The following SHISAL2B variants were observed in gnomAD, a reference collection of about 807,000 sequenced individuals.
SHISAL2B encodes protein shisa-like-2B.
Under a neutral mutation model 16.5 loss-of-function variants are expected in SHISAL2B, and 12 were observed. That is an observed-to-expected ratio of 0.73 (90% CI 0.47 to 1.18). The LOEUF (loss-of-function observed/expected upper bound fraction) is 1.18. SHISAL2B is among the 50% of genes most tolerant of loss of function. The pLI, the probability that SHISAL2B is intolerant of heterozygous loss-of-function variation, is 0.00. For synonymous variants in SHISAL2B, 72 were observed against 75.0 expected, an observed-to-expected ratio of 0.96 and a Z score of 0.21; for missense variants, 183 against 193.6, an observed-to-expected ratio of 0.95 and a Z score of 0.33.
chr5:64,691,317 CTT>C (rs901103895), intron 1 of SHISAL2B: 2 of 153,138 alleles, frequency 1.3e-5, no homozygotes, highest in African/African-American at 4.8e-5. Context: ...TTTTAAGACT[CTT>C]TGAGGGGTGT....
intron 2 of SHISAL2B, among the ~76,000 whole-genome samples, chr5:64,715,453 A>C (rs1010062890): frequency 6.6e-6 from 1 of 152,092 alleles, no homozygotes; most frequent in Non-Finnish European, 1.5e-5. Flanking sequence ...TTCTTCAAGC[A>C]AAGGAGGCTG....
intron 1 of SHISAL2B, among the ~76,000 whole-genome samples, chr5:64,691,062 C>A (rs1741641542): frequency 6.6e-6 from 1 of 152,212 alleles, no homozygotes; most frequent in African/African-American, 2.4e-5. Context: ...GCGGGCTTTG[C>A]GCCCAGGGCG....
intron 2 of SHISAL2B, among the ~76,000 whole-genome samples, chr5:64,708,861 A>AT (rs773628635): frequency 1.7e-4 from 26 of 152,130 alleles, no homozygotes; most frequent in Non-Finnish European, 2.9e-4. Flanking sequence ...TAAGTAACTT[A>AT]TTTTACTACC....
chr5:64,714,965 G>C (rs1371570884), intron 2 of SHISAL2B, among the ~76,000 whole-genome samples: 1 of 152,120 alleles, frequency 6.6e-6, no homozygotes, highest in South Asian at 2.1e-4. Flanking sequence ...AGATGAACCC[G>C]GTACCTCAGA....
At position 64,699,153 on chromosome 5, in the gene SHISAL2B, T is replaced by C. The variant is rs182838132; in HGVS notation, c.349+3489T>C. On this transcript the variant is annotated intron_variant, in intron 2 of 2. Coordinates refer to ENST00000389074, the MANE Select transcript of SHISAL2B (RefSeq NM_001164442.2). ...AAATATCCTCATTCTGCCCCTCTCA[T>C]AAATATATTTTGTCAAATTGACAAA... is the stretch of plus-strand genomic sequence containing the variant. Among the ~76,000 whole-genome samples, 5 of 152,322 alleles carry C rather than the reference T, an allele frequency of 3.3e-5. No individual in the cohort carries two copies. The East Asian group carries it at 9.6e-4, about 29-fold the overall frequency.
intron 2 of SHISAL2B, among the ~76,000 whole-genome samples, chr5:64,706,261 GAGTCCTTGATC>G: frequency 6.6e-6 from 1 of 152,206 alleles, no homozygotes; most frequent in East Asian, 1.9e-4. Context: ...GCATTCTTTT[GAGTCCTTGATC>G]AGCCTTCCAC....
chr5:64,715,217 TTTAG>T (rs1742028858), intron 2 of SHISAL2B, among the ~76,000 whole-genome samples: 1 of 151,962 alleles, frequency 6.6e-6, no homozygotes, highest in Non-Finnish European at 1.5e-5. Context: ...CAAAAAGCAG[TTTAG>T]TTATAGAAAG....
intron 1 of SHISAL2B, chr5:64,691,457 C>A: frequency 6.8e-6 from 1 of 146,516 alleles, no homozygotes. Flanking sequence ...TTTGGAGGAT[C>A]TGACCCCTAC....
chr5:64,709,387 A>T (rs1219456015), intron 2 of SHISAL2B, among the ~76,000 whole-genome samples: 1 of 150,512 alleles, frequency 6.6e-6, no homozygotes, highest in Non-Finnish European at 1.5e-5. Context: ...TTATGGCTGC[A>T]TAGTATTCCA....
At position 64,714,069 on chromosome 5, in the gene SHISAL2B, T is replaced by C. The variant is rs1380001306; in HGVS notation, c.350-3820T>C. ...AAAATCATTCTCCATCCAGCTTTGT[T>C]CCATTGCTGGTGAGGAACTGCGTTC... On this transcript the variant is annotated intron_variant, in intron 2 of 2. Transcript: ENST00000389074. Among the ~76,000 whole-genome samples the C allele has an allele frequency of 8.0e-5, 12 of 149,918 alleles. No individual in the cohort carries two copies. The East Asian group carries it at 2.4e-3, about 29-fold the overall frequency.
At chr5:64,696,040 C>T (rs996415589) in intron 2 of SHISAL2B, among the ~76,000 whole-genome samples, 9 of 152,080 alleles carry the variant, frequency 5.9e-5, no homozygotes, top group African/African-American at 9.7e-5. Context: ...ACAGAGGGAC[C>T]GGCTGGAGCC....
rs191855385 is a variant in SHISAL2B at position 64,704,734 on chromosome 5, T to G, written c.349+9070T>G. Among the ~76,000 whole-genome samples, 45 of 152,224 alleles carry G rather than the reference T, an allele frequency of 3.0e-4. No individual in the cohort carries two copies. The East Asian group carries it at 8.3e-3, about 28-fold the overall frequency. Reference sequence around the variant, plus strand: ...AAGAGGCACAGGTAACAATCCCTATTTTGTTGGTTAAGAAACTAGTTTCTA... The same window carrying G: ...AAGAGGCACAGGTAACAATCCCTATGTTGTTGGTTAAGAAACTAGTTTCTA... On this transcript the variant is annotated intron_variant, in intron 2 of 2. Coordinates refer to ENST00000389074, the MANE Select transcript of SHISAL2B (RefSeq NM_001164442.2).
chr5:64,717,060 G>T (rs1742066931), intron 2 of SHISAL2B, among the ~76,000 whole-genome samples: 1 of 152,164 alleles, frequency 6.6e-6, no homozygotes. Flanking sequence ...TTGGCCACTG[G>T]ACTGTGGATT....
intron 2 of SHISAL2B, among the ~76,000 whole-genome samples, chr5:64,698,624 C>T (rs960901111): frequency 3.9e-5 from 6 of 152,286 alleles, no homozygotes; most frequent in Admixed American, 1.3e-4. Context: ...AACTCCCTTT[C>T]AACATTTAAT....
At chr5:64,717,584 TG>T (rs1479657942) in intron 2 of SHISAL2B, among the ~76,000 whole-genome samples, 1 of 152,216 alleles carries the variant, frequency 6.6e-6, no homozygotes, top group African/African-American at 2.4e-5. Flanking sequence ...GTCACACTTT[TG>T]TTAAGTCACT....
chr5:64,690,834 G>T lies in SHISAL2B; in HGVS notation c.191+20G>T. The T allele has an allele frequency of 6.7e-7, 1 of 1,484,278 alleles. No homozygotes were observed. Among genetic ancestry groups the T allele is most frequent in the Middle Eastern group, 1.7e-4 (1 of 5,746 alleles). The allele number at this position is 1,484,278 out of a possible 1,614,324, so 91.9% of individuals were successfully genotyped here. A position where few individuals can be genotyped will look rare whatever the true frequency, so the allele number is the denominator to read the frequency against. ...CCTCAGGTGGGCTGAGAGCCCGCGC[G>T]TGCGGCGGCTGGCCGAGCCCGGGGC... On this transcript the variant is annotated intron_variant, in intron 1 of 2. Coordinates refer to ENST00000389074, the MANE Select transcript of SHISAL2B (RefSeq NM_001164442.2).
At chr5:64,690,960 T>A in intron 1 of SHISAL2B, 146 bp downstream of exon 1, 1 of 628,856 alleles carries the variant, frequency 1.6e-6, no homozygotes, top group Non-Finnish European at 2.5e-6. Context: ...GCGGAGCCTC[T>A]GAGGGCGGGT....
At chr5:64,714,024 CCTT>C (rs1452302524) in intron 2 of SHISAL2B, among the ~76,000 whole-genome samples, 1 of 139,710 alleles carries the variant, frequency 7.2e-6, no homozygotes, top group African/African-American at 2.9e-5. Context: ...TCGTCTGAAG[CCTT>C]CTTCTCTCAG....
Position 64,718,046 on chromosome 5 carries a change from C to G in SHISAL2B, c.*24C>G. ...AACTAAAAATTCTGTGTTTTAAATG[C>G]TTACTGGAGAGATGGGACAATAAAA... is the stretch of plus-strand genomic sequence containing the variant. On this transcript the variant is annotated 3_prime_UTR_variant, in exon 3 of 3. Coordinates refer to ENST00000389074, the MANE Select transcript of SHISAL2B (RefSeq NM_001164442.2). The G allele has an allele frequency of 1.4e-6, 2 of 1,476,828 alleles. No homozygotes were observed. Among genetic ancestry groups the G allele is most frequent in the South Asian group, 1.4e-5 (1 of 73,516 alleles). 91.5% of individuals were successfully genotyped at this position (1,476,828 alleles called of 1,614,324 possible).
Sources: allele counts gnomAD v4.1 joint callset (sites outside exome capture counted in the v4.1 genomes callset), GRCh38; gene constraint gnomAD v4.1.1; transcripts MANE v1.5; gene names NCBI Gene and HGNC (gene_info 2026-07-23, HGNC 2026-07-21).